TMEFF2: variants seen among roughly 807,000 people sequenced by gnomAD.
The protein encoded by TMEFF2 is transmembrane protein with EGF like and two follistatin like domains 2.
Under a neutral mutation model 53.8 loss-of-function variants are expected in TMEFF2, and 28 were observed. The ratio of observed to expected loss-of-function variants is 0.52; its 90% CI spans 0.39 to 0.71. The LOEUF is 0.71. TMEFF2 is among the 30% of genes least tolerant of loss of function. The pLI, the probability that TMEFF2 is intolerant of heterozygous loss-of-function variation, is 0.00. For missense variants in TMEFF2, 353 were observed against 455.2 expected (o/e 0.78, Z 2.04); for synonymous variants, 162 against 166.3 (o/e 0.97, Z 0.20).
intron 2 of TMEFF2, among the ~76,000 whole-genome samples, chr2:192,186,223 A>G (rs1181945996): frequency 2.0e-5 from 3 of 152,176 alleles, no homozygotes; most frequent in Non-Finnish European, 4.4e-5. Context: ...TACCTGTGTA[A>G]GCACTGTTTT....
At chr2:191,981,956 G>A (rs1477934692) in intron 7 of TMEFF2, among the ~76,000 whole-genome samples, 1 of 152,102 alleles carries the variant, frequency 6.6e-6, no homozygotes, top group African/African-American at 2.4e-5. Context: ...TAAGAACCAG[G>A]ACACGTGACT....
At position 192,158,544 on chromosome 2, in the gene TMEFF2, C is replaced by G. The variant is rs1160427111; in HGVS notation, c.439+21124G>C. ...TTAAAGCATTTACATCAGAATATCA[C>G]AAACCCATGTAAAAATTACCCATGG... On this transcript the variant is annotated intron_variant, in intron 4 of 9. Transcript: ENST00000272771. Among the ~76,000 whole-genome samples, 85 of 152,062 alleles carry G rather than the reference C, an allele frequency of 5.6e-4. 1 individual carries two copies. Among genetic ancestry groups the G allele is most frequent in the Non-Finnish European group, 1.5e-5 (1 of 67,996 alleles).
At chr2:192,120,133 A>G (rs186915519) in intron 4 of TMEFF2, among the ~76,000 whole-genome samples, 1 of 152,284 alleles carries the variant, frequency 6.6e-6, no homozygotes, top group African/African-American at 2.4e-5. Flanking sequence ...CCAAATTTCT[A>G]CCACCATAAG....
chr2:192,164,145 C>T (rs1574427035), intron 4 of TMEFF2, among the ~76,000 whole-genome samples: 1 of 152,180 alleles, frequency 6.6e-6, no homozygotes, highest in East Asian at 1.9e-4. Context: ...CTTCCAAAGG[C>T]TTTCCATGAT....
rs569042138 is a variant in TMEFF2 at position 192,166,411 on chromosome 2, T to C, written c.439+13257A>G. On this transcript the variant is annotated intron_variant, in intron 4 of 9. Coordinates refer to ENST00000272771, the MANE Select transcript of TMEFF2 (RefSeq NM_016192.4). ...CAAAGACTCATCCAGAATTATGTAA[T>C]GGAAAATGGAATATAGACTTTTTAG... 3.5e-4 allele frequency among the ~76,000 whole-genome samples: 54 copies of C among 152,282 alleles called. 1 individual carries two copies. In the South Asian group the frequency reaches 9.7e-3, roughly 27 times the overall value.
At position 191,972,788 on chromosome 2, in the gene TMEFF2, TAGA is replaced by T. The variant is rs569166270; in HGVS notation, c.746-16413_746-16411del. Among the ~76,000 whole-genome samples the T allele has an allele frequency of 4.9e-4, 74 of 152,280 alleles. 1 individual carries two copies. The highest frequency in any genetic ancestry group is 1.7e-3 in the African/African-American group (69 of 41,558). ...TGCTATTTTGTACAATGGGAAAAAT[TAGA>T]AGAAACATTTAAGCTCCAATGTATA... On this transcript the variant is annotated intron_variant, in intron 7 of 9. Coordinates refer to ENST00000272771, the MANE Select transcript of TMEFF2 (RefSeq NM_016192.4).
intron 5 of TMEFF2, among the ~76,000 whole-genome samples, chr2:192,005,138 G>C (rs1686469396): frequency 2.0e-5 from 3 of 152,120 alleles, no homozygotes; most frequent in African/African-American, 7.2e-5. Flanking sequence ...GAAAACCTTA[G>C]CTCTCTGAAT....
intron 4 of TMEFF2, among the ~76,000 whole-genome samples, chr2:192,131,418 G>C (rs548468421): frequency 6.6e-6 from 1 of 152,086 alleles, no homozygotes. Context: ...CGCTTTTCTG[G>C]GGGAAGGGCA....
intron 4 of TMEFF2, among the ~76,000 whole-genome samples, chr2:192,069,916 T>C (rs1341223694): frequency 6.7e-6 from 1 of 149,792 alleles, no homozygotes; most frequent in Non-Finnish European, 1.5e-5. Context: ...TTAATTATAA[T>C]ATAATTGGAA....
intron 2 of TMEFF2, among the ~76,000 whole-genome samples, chr2:192,189,552 T>C: frequency 1.3e-3 from 1 of 798 alleles, no homozygotes; most frequent in East Asian, 0.5. Flanking sequence ...TCTCCAAAAA[T>C]TCCAAAAAAA....
At chr2:192,191,735 G>A (rs1490463525) in intron 2 of TMEFF2, 145 bp downstream of exon 2, 4 of 580,860 alleles carry the variant, frequency 6.9e-6, no homozygotes, top group Non-Finnish European at 1.2e-5. Context: ...GACATCAGTT[G>A]GCTCTCTTGC....
At chr2:192,068,973 G>T (rs563209894) in intron 4 of TMEFF2, among the ~76,000 whole-genome samples, 2,833 of 143,428 alleles carry the variant, frequency 0.02, 35 homozygotes, top group Non-Finnish European at 0.031. Flanking sequence ...CCCAGTTCCT[G>T]TTTTTTTTTT....
intron 7 of TMEFF2, among the ~76,000 whole-genome samples, chr2:191,966,439 A>T (rs1210215904): frequency 1.3e-5 from 2 of 152,186 alleles, no homozygotes; most frequent in Non-Finnish European, 2.9e-5. Flanking sequence ...TAAAGATTGA[A>T]GTATGGGAAC....
At chr2:192,050,757 C>A (rs968725272) in intron 5 of TMEFF2, among the ~76,000 whole-genome samples, 3 of 152,122 alleles carry the variant, frequency 2.0e-5, no homozygotes, top group Non-Finnish European at 4.4e-5. Context: ...TTTATTACAT[C>A]GTGTGAAATT....
chr2:192,070,214 G>C, intron 4 of TMEFF2, among the ~76,000 whole-genome samples: 1 of 151,488 alleles, frequency 6.6e-6, no homozygotes, highest in South Asian at 2.1e-4. Flanking sequence ...ATTTGTGAAT[G>C]AATAAAGCAT....
At chr2:191,994,412 TTTTTACTGGAAA>T (rs1396896563) in intron 7 of TMEFF2, among the ~76,000 whole-genome samples, 1 of 151,534 alleles carries the variant, frequency 6.6e-6, no homozygotes, top group African/African-American at 2.4e-5. Context: ...ATTAAGTACA[TTTTTACTGGAAA>T]AAATATAGCC....
intron 4 of TMEFF2, among the ~76,000 whole-genome samples, chr2:192,078,249 T>C (rs779909065): frequency 9.9e-5 from 15 of 152,112 alleles, no homozygotes; most frequent in Non-Finnish European, 2.2e-4. Context: ...ATCTGTAATA[T>C]GAGGGTAACA....
intron 7 of TMEFF2, among the ~76,000 whole-genome samples, chr2:191,985,936 C>A (rs1327438164): frequency 1.3e-5 from 2 of 152,118 alleles, no homozygotes; most frequent in Non-Finnish European, 2.9e-5. Flanking sequence ...CCTGTCCTTC[C>A]CAGAAGAATG....
intron 5 of TMEFF2, among the ~76,000 whole-genome samples, chr2:192,037,646 A>T (rs1687362172): frequency 3.3e-4 from 2 of 6,016 alleles, no homozygotes; most frequent in Non-Finnish European, 5.7e-3. Flanking sequence ...AGAGAGAAAG[A>T]GAGAGAGAGA....
Sources: allele counts gnomAD v4.1 joint callset (sites outside exome capture counted in the v4.1 genomes callset), GRCh38; gene constraint gnomAD v4.1.1; transcripts MANE v1.5; gene names NCBI Gene and HGNC (gene_info 2026-07-23, HGNC 2026-07-21).